Variants in TSHR observed in about 807,000 individuals in gnomAD.
The protein encoded by TSHR is thyrotropin receptor.
TSHR carries 51 observed loss-of-function variants against 64.1 expected under a neutral mutation model. The ratio of observed to expected loss-of-function variants is 0.80; its 90% CI spans 0.64 to 1.01. The LOEUF is 1.01. Among genes scored for constraint, TSHR ranks in the 50% least tolerant of loss-of-function variants. TSHR has a pLI of 0.00. For synonymous variants in TSHR, 361 were observed against 361.9 expected (o/e 1.00, Z 0.03); for missense variants, 877 against 942.8 (o/e 0.93, Z 0.91).
Position 81,144,211 on chromosome 14 carries a change from A to C in TSHR, c.2153A>C (p.Asp718Ala). ...GQRVPPKNSTDIQVQKVTHEM... is the reference protein window; with the variant it reads ...GQRVPPKNSTAIQVQKVTHEM... ...AGGGTTCCTCCAAAGAACAGCACTG[A>C]TATTCAGGTTCAAAAGGTTACCCAC... is the stretch of plus-strand genomic sequence containing the variant. Residue 718 changes from aspartate (D) to alanine (A), a missense_variant, in exon 10 of 10, where the codon GAT (aspartate) becomes GCT (alanine). Physicochemically the swap from Asp to Ala is moderately radical, Grantham distance 126 (BLOSUM62 -2). Coordinates refer to ENST00000298171, the MANE Select transcript of TSHR (RefSeq NM_000369.5). 1.2e-6 allele frequency: 2 copies of C among 1,613,528 alleles called. No individual in the cohort carries two copies. Among genetic ancestry groups the C allele is most frequent in the Non-Finnish European group, 1.7e-6 (2 of 1,179,640 alleles).
chr14:80,977,210 T>C (rs1887927553), intron 1 of TSHR, among the ~76,000 whole-genome samples: 1 of 152,246 alleles, frequency 6.6e-6, no homozygotes, highest in Admixed American at 6.5e-5. Flanking sequence ...TAGTGCTGCC[T>C]GGGACTTTGT....
At chr14:81,022,033 T>C (rs1883782223) in intron 1 of TSHR, among the ~76,000 whole-genome samples, 1 of 144,412 alleles carries the variant, frequency 6.9e-6, no homozygotes, top group East Asian at 2.1e-4. Flanking sequence ...GAGGCGGAAG[T>C]GGGCAGATCA....
intron 8 of TSHR, among the ~76,000 whole-genome samples, chr14:81,114,333 G>C (rs574366703): frequency 6.6e-6 from 1 of 152,178 alleles, no homozygotes; most frequent in Non-Finnish European, 1.5e-5. Context: ...CACTGTGCGC[G>C]AGCCAAAGCA....
chr14:81,021,965 TA>T (rs1316704902), intron 1 of TSHR, among the ~76,000 whole-genome samples: 1 of 152,084 alleles, frequency 6.6e-6, no homozygotes, highest in East Asian at 1.9e-4. Context: ...AGTAGGCTTT[TA>T]AAATTACAGT....
At chr14:81,126,693 C>T (rs1214783645) in intron 8 of TSHR, among the ~76,000 whole-genome samples, 3 of 152,114 alleles carry the variant, frequency 2.0e-5, no homozygotes, top group Non-Finnish European at 2.9e-5. Flanking sequence ...ACTAATTATC[C>T]CTCTTTAGCC....
intron 8 of TSHR, among the ~76,000 whole-genome samples, chr14:81,138,623 G>A (rs1260147577): frequency 1.3e-5 from 2 of 152,092 alleles, no homozygotes; most frequent in East Asian, 1.9e-4. Context: ...GGTGAGAATG[G>A]GGTTAATACA....
chr14:81,112,503 C>T (rs1890267862), intron 8 of TSHR, among the ~76,000 whole-genome samples: 1 of 152,156 alleles, frequency 6.6e-6, no homozygotes, highest in South Asian at 2.1e-4. Context: ...AAGTTTAGGG[C>T]CTCATACCTT....
intron 5 of TSHR, 39 bp downstream of exon 5, chr14:81,091,182 T>C (rs1388597296): frequency 1.9e-6 from 3 of 1,558,092 alleles, no homozygotes; most frequent in Non-Finnish European, 2.6e-6. Flanking sequence ...AATATTTTGT[T>C]TGTCACTGAC....
intron 3 of TSHR, among the ~76,000 whole-genome samples, chr14:81,084,281 TA>T (rs1332214321): frequency 6.6e-6 from 1 of 152,244 alleles, no homozygotes; most frequent in Non-Finnish European, 1.5e-5. Flanking sequence ...ATTTTAATGT[TA>T]TTTTTTATAG....
intron 1 of TSHR, among the ~76,000 whole-genome samples, chr14:81,021,007 C>G (rs771412171): frequency 1.1e-4 from 17 of 151,924 alleles, no homozygotes; most frequent in Non-Finnish European, 2.5e-4. Context: ...ACAGATGGGA[C>G]CATCTAGTTG....
chr14:81,143,407 G>A lies in TSHR; in HGVS notation c.1349G>A (p.Arg450His), dbSNP rs189261858. 1.1e-4 allele frequency: 178 copies of A among 1,614,112 alleles called. 1 individual carries two copies. The East Asian group carries it at 2.7e-3, about 24-fold the overall frequency. The stretch of plus-strand genomic sequence containing the variant: ...AGCCACTACAAACTGAACGTCCCCC[G>A]CTTTCTCATGTGCAACCTGGCCTTT... ...LTSHYKLNVP[R>H]FLMCNLAFAD... The change falls in exon 10 of 10, where the codon CGC becomes CAC. Residue 450 changes from arginine (R) to histidine (H), a missense_variant. Coordinates refer to ENST00000298171, the MANE Select transcript of TSHR (RefSeq NM_000369.5).
intron 1 of TSHR, among the ~76,000 whole-genome samples, chr14:81,022,131 G>A (rs1040077801): frequency 1.3e-5 from 2 of 149,084 alleles, no homozygotes; most frequent in African/African-American, 4.9e-5. Flanking sequence ...AAAGCCAGGC[G>A]TGGTGGTGGG....
Position 81,143,762 on chromosome 14 carries a change from C to G in TSHR, c.1704C>G (p.Ile568Met). The stretch of plus-strand genomic sequence containing the variant: ...TAAGTAGCTATGCCAAAGTCAGTAT[C>G]TGCCTGCCCATGGACACCGAGACCC... ...VGISSYAKVS[I>M]CLPMDTETPL... The change falls in exon 10 of 10, where the codon ATC becomes ATG. Residue 568 changes from isoleucine (I) to methionine (M), a missense_variant. Transcript: ENST00000298171. 6.2e-7 allele frequency: 1 copy of G among 1,613,984 alleles called. No homozygotes were observed. Among genetic ancestry groups the G allele is most frequent in the Non-Finnish European group, 8.5e-7 (1 of 1,179,992 alleles).
At chr14:80,971,583 A>G (rs967331392) in intron 1 of TSHR, among the ~76,000 whole-genome samples, 1 of 152,200 alleles carries the variant, frequency 6.6e-6, no homozygotes, top group Non-Finnish European at 1.5e-5. Flanking sequence ...GTGCATTGTC[A>G]TTCACCTTAA....
chr14:80,957,932 TG>T (rs1346568573), intron 1 of TSHR: 1 of 152,094 alleles, frequency 6.6e-6, no homozygotes, highest in African/African-American at 2.4e-5. Context: ...GATCTGCCCT[TG>T]AGAATAATGG....
At chr14:81,087,194 G>T (rs939775763) in intron 3 of TSHR, among the ~76,000 whole-genome samples, 3 of 152,162 alleles carry the variant, frequency 2.0e-5, no homozygotes, top group African/African-American at 7.2e-5. Context: ...AATGCTAAAG[G>T]TTTACTGGGT....
At position 81,144,436 on chromosome 14, in the gene TSHR, C is replaced by A. The variant is rs1013411207; in HGVS notation, c.*83C>A. The A allele has an allele frequency of 5.1e-6, 7 of 1,379,750 alleles. No individual in the cohort carries two copies. In the African/African-American group the frequency reaches 7.2e-5, roughly 14 times the overall value. 85.5% of individuals were successfully genotyped at this position (1,379,750 alleles called of 1,614,324 possible). A position where few individuals can be genotyped will look rare whatever the true frequency, so the allele number is the denominator to read the frequency against. On this transcript the variant is annotated 3_prime_UTR_variant, in exon 10 of 10. Coordinates refer to ENST00000298171, the MANE Select transcript of TSHR (RefSeq NM_000369.5). Reference sequence around the variant, plus strand: ...TATGCATTCCAATCCCATGACACCCCCAACACATAGCTGCCCTCACTCTTG... The same window carrying A: ...TATGCATTCCAATCCCATGACACCCACAACACATAGCTGCCCTCACTCTTG...
chr14:81,091,523 T>G (rs1376742013), intron 5 of TSHR, among the ~76,000 whole-genome samples: 1 of 152,198 alleles, frequency 6.6e-6, no homozygotes, highest in East Asian at 1.9e-4. Flanking sequence ...TTTGTTTGTG[T>G]GTTTTTGTTT....
At position 81,144,145 on chromosome 14, in the gene TSHR, T is replaced by C; in HGVS notation, c.2087T>C (p.Phe696Ser). The change falls in exon 10 of 10, where the codon TTT becomes TCT. Residue 696 changes from phenylalanine (F) to serine (S), a missense_variant. Physicochemically the swap from Phe to Ser is radical, Grantham distance 155. Transcript: ENST00000298171. ...QRDVFILLSKFGICKRQAQAY... is the reference protein window; with the variant it reads ...QRDVFILLSKSGICKRQAQAY... ...GATGTGTTCATCCTACTCAGCAAGT[T>C]TGGCATCTGTAAACGCCAGGCTCAG... The C allele has an allele frequency of 1.2e-6, 2 of 1,614,158 alleles. No individual in the cohort carries two copies.
Sources: gnomAD v4.1 joint callset for allele counts (sites outside exome capture counted in the v4.1 genomes callset) on GRCh38, gnomAD v4.1.1 for gene constraint, MANE v1.5 for transcripts, NCBI Gene and HGNC (gene_info 2026-07-23, HGNC 2026-07-21) for gene names.